QPCT: variants seen among roughly 807,000 people sequenced by gnomAD.
The protein encoded by QPCT is EC.
QPCT carries 44 observed loss-of-function variants against 43.4 expected under a neutral mutation model. That is an observed-to-expected ratio of 1.01 (90% confidence interval 0.80 to 1.30). The LOEUF is 1.30. Ranked by LOEUF, QPCT falls within the 50% of genes most tolerant of loss-of-function variation. QPCT has a pLI of 0.00. For missense variants in QPCT, 526 were observed against 436.5 expected (o/e 1.21, Z -1.83); for synonymous variants, 168 against 168.4 (o/e 1.00, Z 0.02).
intron 3 of QPCT, among the ~76,000 whole-genome samples, chr2:37,364,383 T>G (rs529742089): frequency 6.6e-6 from 1 of 152,114 alleles, no homozygotes; most frequent in African/African-American, 2.4e-5. Context: ...GCAGGCCTAG[T>G]GGTCGGTCCA....
At position 37,352,898 on chromosome 2, in the gene QPCT, G is replaced by A. The variant is rs1356636721; in HGVS notation, c.230G>A (p.Arg77Gln). ...QNDLQPLLIERYPGSPGSYAA... is the reference protein window; with the variant it reads ...QNDLQPLLIEQYPGSPGSYAA... ...GACTTACAGCCATTGCTGATAGAGC[G>A]ATACCCGGGATCCCCTGGAAGCTAT... The change falls in exon 2 of 7, where the codon CGA becomes CAA. Residue 77 changes from arginine to glutamine, a missense_variant. Coordinates refer to ENST00000338415, the MANE Select transcript of QPCT (RefSeq NM_012413.4). 1.2e-6 allele frequency: 2 copies of A among 1,614,048 alleles called. No homozygotes were observed. Among genetic ancestry groups the A allele is most frequent in the East Asian group, 2.2e-5 (1 of 44,878 alleles).
chr2:37,359,859 G>A lies in QPCT; in HGVS notation c.546+1G>A, dbSNP rs200154111. 1 of 1,613,270 alleles carries A rather than the reference G, an allele frequency of 6.2e-7. No homozygotes were observed. The highest frequency in any genetic ancestry group is 2.2e-5 in the East Asian group (1 of 44,878). The stretch of plus-strand genomic sequence containing the variant: ...AGACAAGAAACTCCTTTCCTTAAAG[G>A]TATCTGTTTTCTGCTTATTGATTCC... On this transcript the variant is annotated splice_donor_variant, in intron 3 of 6. Transcript: ENST00000338415. LOFTEE classifies it high-confidence loss of function.
chr2:37,372,569 G>T, intron 6 of QPCT, 97 bp downstream of exon 6: 1 of 1,454,146 alleles, frequency 6.9e-7, no homozygotes, highest in South Asian at 1.2e-5. Flanking sequence ...AGATGATGAT[G>T]AATTATCAGC....
At chr2:37,366,403 T>C (rs539489774) in intron 3 of QPCT, among the ~76,000 whole-genome samples, 1 of 152,362 alleles carries the variant, frequency 6.6e-6, no homozygotes, top group Non-Finnish European at 1.5e-5. Context: ...GTGGCACATT[T>C]TGCCATGCTT....
intron 2 of QPCT, among the ~76,000 whole-genome samples, chr2:37,357,696 C>G (rs1407612882): frequency 6.6e-6 from 1 of 152,170 alleles, no homozygotes; most frequent in Non-Finnish European, 1.5e-5. Flanking sequence ...GCTGGGGAAT[C>G]ATTTGTTTAG....
intron 5 of QPCT, among the ~76,000 whole-genome samples, chr2:37,370,490 T>C (rs952574346): frequency 3.3e-5 from 5 of 152,224 alleles, no homozygotes; most frequent in African/African-American, 1.2e-4. Flanking sequence ...ATGATGAATA[T>C]GATGTCCTTA....
chr2:37,345,690 G>A (rs1448061692), intron 1 of QPCT, among the ~76,000 whole-genome samples: 1 of 152,106 alleles, frequency 6.6e-6, no homozygotes, highest in Non-Finnish European at 1.5e-5. Context: ...CAAAAAATCA[G>A]CCGGGCGTGG....
At chr2:37,352,533 T>C (rs1001438739) in intron 1 of QPCT, among the ~76,000 whole-genome samples, 13 of 152,166 alleles carry the variant, frequency 8.5e-5, no homozygotes, top group African/African-American at 3.1e-4. Flanking sequence ...GGTCTCATTA[T>C]GTTGCCAGGG....
intron 1 of QPCT, among the ~76,000 whole-genome samples, chr2:37,348,810 C>T (rs1572727555): frequency 6.6e-6 from 1 of 152,166 alleles, no homozygotes; most frequent in African/African-American, 2.4e-5. Context: ...TCTGAGAACA[C>T]CTGCACCAAT....
chr2:37,349,627 A>G (rs1460710479), intron 1 of QPCT, among the ~76,000 whole-genome samples: 1 of 152,172 alleles, frequency 6.6e-6, no homozygotes, highest in Non-Finnish European at 1.5e-5. Flanking sequence ...AGCTTTTGAC[A>G]CAACAGTTTT....
Position 37,369,737 on chromosome 2 carries a change from AT to A in QPCT, c.783del (p.Pro262GlnfsTer41), listed in dbSNP as rs773504141. On this transcript the variant is annotated frameshift_variant, in exon 5 of 7. Transcript: ENST00000338415. LOFTEE classifies it high-confidence loss of function. ...LIGAPNPTFP[N>X]FFPNSARWFE... is the part of the protein sequence containing the mutation. ...GGAGCTCCAAACCCAACGTTTCCCA[AT>A]TTTTTTCCAAACTCAGCCAGGTGGT... 1.0e-4 allele frequency: 166 copies of A among 1,609,354 alleles called. 1 individual carries two copies. The highest frequency in any genetic ancestry group is 1.3e-4 in the Non-Finnish European group (150 of 1,175,802).
chr2:37,372,951 C>A lies in QPCT; in HGVS notation c.*124C>A. On this transcript the variant is annotated 3_prime_UTR_variant, in exon 7 of 7. Coordinates refer to ENST00000338415, the MANE Select transcript of QPCT (RefSeq NM_012413.4). ...CATCTATCCTATAGATCATCCTATT[C>A]TTATGTGTCTTTGGTTATCAGATCA... 1 of 783,224 alleles carries A rather than the reference C, an allele frequency of 1.3e-6. No individual in the cohort carries two copies. The highest frequency in any genetic ancestry group is 1.9e-6 in the Non-Finnish European group (1 of 523,082). The allele number at this position is 783,224 out of a possible 1,614,324, so 48.5% of individuals were successfully genotyped here.
At chr2:37,366,532 C>T (rs928760179) in intron 3 of QPCT, among the ~76,000 whole-genome samples, 5 of 152,190 alleles carry the variant, frequency 3.3e-5, no homozygotes, top group African/African-American at 1.2e-4. Context: ...AAGCTAGACT[C>T]AGTACAAAAT....
At position 37,367,299 on chromosome 2, in the gene QPCT, T is replaced by C; in HGVS notation, c.614T>C (p.Leu205Pro). 1 of 1,614,156 alleles carries C rather than the reference T, an allele frequency of 6.2e-7. No homozygotes were observed. Among genetic ancestry groups the C allele is most frequent in the South Asian group, 1.1e-5 (1 of 91,076 alleles). The part of the protein sequence containing the change: ...LIFFDGEEAF[L>P]HWSPQDSLYG... ...TTCTTTGATGGTGAAGAGGCTTTTC[T>C]TCACTGGTCTCCTCAAGATTCTCTC... Residue 205 changes from leucine (L) to proline (P), a missense_variant, in exon 4 of 7, where the codon CTT becomes CCT. By Grantham distance (98) the Leu-to-Pro change is moderately conservative (BLOSUM62 -3). Transcript: ENST00000338415.
In QPCT at chr2:37,372,972, G is replaced by A. The variant is rs1410760659; in HGVS notation, c.*145G>A. On this transcript the variant is annotated 3_prime_UTR_variant, in exon 7 of 7. Coordinates refer to ENST00000338415, the MANE Select transcript of QPCT (RefSeq NM_012413.4). ...TATTCTTATGTGTCTTTGGTTATCA[G>A]ATCAATTACAGAATAATTGTGTTGT... 1.6e-6 allele frequency: 1 copy of A among 636,404 alleles called. No individual in the cohort carries two copies. Among genetic ancestry groups the A allele is most frequent in the East Asian group, 3.0e-5 (1 of 32,864 alleles). The allele number at this position is 636,404 out of a possible 1,614,324, so 39.4% of individuals were successfully genotyped here.
At chr2:37,346,384 C>T (rs1672489739) in intron 1 of QPCT, among the ~76,000 whole-genome samples, 1 of 152,196 alleles carries the variant, frequency 6.6e-6, no homozygotes, top group Non-Finnish European at 1.5e-5. Context: ...CCCTTCTGGT[C>T]AGAAATTGGG....
intron 4 of QPCT, among the ~76,000 whole-genome samples, chr2:37,369,334 GA>G (rs999936500): frequency 6.6e-5 from 10 of 152,350 alleles, no homozygotes; most frequent in African/African-American, 2.4e-4. Context: ...GAGTGGATTA[GA>G]AGATCAGATA....
intron 5 of QPCT, among the ~76,000 whole-genome samples, chr2:37,371,447 A>AG (rs1437631761): frequency 3.3e-5 from 5 of 151,520 alleles, no homozygotes; most frequent in African/African-American, 7.3e-5. Context: ...AAAAAAAAAA[A>AG]AAAAAGAAAA....
intron 6 of QPCT, 35 bp downstream of exon 6, chr2:37,372,507 T>C (rs1279503118): frequency 6.5e-7 from 1 of 1,539,790 alleles, no homozygotes; most frequent in South Asian, 1.1e-5. Context: ...TGTGTGTGTG[T>C]GCGTGCACAG....
Sources: allele counts gnomAD v4.1 joint callset (sites outside exome capture counted in the v4.1 genomes callset), GRCh38; gene constraint gnomAD v4.1.1; transcripts MANE v1.5; gene names NCBI Gene and HGNC (gene_info 2026-07-23, HGNC 2026-07-21).